The following NBEA variants were observed in gnomAD, a reference collection of about 807,000 sequenced individuals.
NBEA encodes neurobeachin.
NBEA carries 44 observed loss-of-function variants against 343.4 expected under a neutral mutation model. The observed-to-expected ratio is 0.13, with a 90% CI of 0.10 to 0.16. NBEA has a LOEUF of 0.16. Ranked by LOEUF, NBEA falls within the 10% of genes least tolerant of loss-of-function variation. NBEA has a pLI of 1.00. For missense variants in NBEA, 2,555 were observed against 3,631.3 expected (o/e 0.70, Z 7.62); for synonymous variants, 1,175 against 1,238.7 (o/e 0.95, Z 1.08).
chr13:35,180,863 T>G (rs1593637118), intron 28 of NBEA, among the ~76,000 whole-genome samples: 1 of 151,792 alleles, frequency 6.6e-6, no homozygotes, highest in East Asian at 1.9e-4. Flanking sequence ...GTCCATTGTA[T>G]CATTCTTATG....
intron 53 of NBEA, among the ~76,000 whole-genome samples, chr13:35,652,123 A>G (rs2084553289): frequency 6.6e-6 from 1 of 152,142 alleles, no homozygotes; most frequent in Non-Finnish European, 1.5e-5. Context: ...AAATAATTCC[A>G]AACTGTATTT....
chr13:35,322,106 G>A (rs1037749912), intron 36 of NBEA, among the ~76,000 whole-genome samples: 6 of 152,066 alleles, frequency 3.9e-5, no homozygotes, highest in African/African-American at 4.8e-5. Context: ...GGGAGTGAAC[G>A]GTTCTGTCTC....
At chr13:35,177,818 T>C (rs533601641) in intron 28 of NBEA, among the ~76,000 whole-genome samples, 3 of 151,846 alleles carry the variant, frequency 2.0e-5, no homozygotes, top group African/African-American at 7.2e-5. Context: ...AGTTGTTGAT[T>C]GTATATGAAA....
chr13:35,649,580 C>T, intron 51 of NBEA, 75 bp from the exon 52 acceptor site: 1 of 1,267,194 alleles, frequency 7.9e-7, no homozygotes, highest in Middle Eastern at 2.1e-4. Context: ...TGTTTAACCT[C>T]ATTCTCCCTA....
intron 49 of NBEA, among the ~76,000 whole-genome samples, chr13:35,634,728 T>C (rs2083621956): frequency 6.6e-6 from 1 of 152,158 alleles, no homozygotes; most frequent in Non-Finnish European, 1.5e-5. Flanking sequence ...TATTAAGTAG[T>C]TTTTAATATT....
At chr13:35,461,435 G>A (rs1481315517) in intron 40 of NBEA, among the ~76,000 whole-genome samples, 1 of 151,964 alleles carries the variant, frequency 6.6e-6, no homozygotes, top group Non-Finnish European at 1.5e-5. Context: ...TGGAGAATGG[G>A]GCAATAAATA....
intron 34 of NBEA, among the ~76,000 whole-genome samples, chr13:35,248,349 A>G (rs936161491): frequency 2.6e-5 from 4 of 152,202 alleles, no homozygotes; most frequent in Non-Finnish European, 5.9e-5. Context: ...GAAGAAAAGA[A>G]TTACATAGAT....
chr13:35,586,823 A>T (rs1446910828), intron 46 of NBEA, among the ~76,000 whole-genome samples: 1 of 152,166 alleles, frequency 6.6e-6, no homozygotes, highest in Non-Finnish European at 1.5e-5. Flanking sequence ...ACAAGAGGCA[A>T]ATGCTTTTCA....
intron 34 of NBEA, among the ~76,000 whole-genome samples, chr13:35,250,104 A>T (rs2031775030): frequency 6.6e-6 from 1 of 152,170 alleles, no homozygotes; most frequent in African/African-American, 2.4e-5. Context: ...TTAATGGGGT[A>T]TAGAGTTTCA....
At chr13:35,596,620 A>C (rs1472441164) in intron 47 of NBEA, among the ~76,000 whole-genome samples, 1 of 152,028 alleles carries the variant, frequency 6.6e-6, no homozygotes, top group African/African-American at 2.4e-5. Flanking sequence ...GTTAGTTTTT[A>C]CTTTATTATT....
chr13:35,204,002 C>A (rs981856434), intron 31 of NBEA, among the ~76,000 whole-genome samples: 1 of 152,112 alleles, frequency 6.6e-6, no homozygotes, highest in Non-Finnish European at 1.5e-5. Flanking sequence ...GGGGTCCCCA[C>A]CCCTGGGCCA....
At chr13:35,128,861 C>G (rs1317724997) in intron 17 of NBEA, among the ~76,000 whole-genome samples, 1 of 152,026 alleles carries the variant, frequency 6.6e-6, no homozygotes, top group Non-Finnish European at 1.5e-5. Context: ...ATATTCTGCT[C>G]TTTTAGCTGA....
At chr13:35,254,056 A>G (rs980376688) in intron 34 of NBEA, among the ~76,000 whole-genome samples, 3 of 151,988 alleles carry the variant, frequency 2.0e-5, no homozygotes, top group Non-Finnish European at 4.4e-5. Flanking sequence ...TATTTCCTAA[A>G]TTTTATAACA....
At chr13:35,630,953 C>T (rs1386719628) in intron 49 of NBEA, among the ~76,000 whole-genome samples, 1 of 152,126 alleles carries the variant, frequency 6.6e-6, no homozygotes, top group Non-Finnish European at 1.5e-5. Flanking sequence ...CCCACCATTC[C>T]CCCCTCTAAC....
intron 30 of NBEA, chr13:35,186,598 T>C (rs555889628): frequency 6.6e-6 from 1 of 152,306 alleles, no homozygotes; most frequent in South Asian, 2.1e-4. Flanking sequence ...CAAAAACAAT[T>C]TAAGTATTTA....
chr13:34,959,665 G>A (rs993721024), intron 1 of NBEA, among the ~76,000 whole-genome samples: 1 of 152,038 alleles, frequency 6.6e-6, no homozygotes, highest in Non-Finnish European at 1.5e-5. Context: ...TATGTTGAGC[G>A]AATAGGTTTT....
intron 34 of NBEA, among the ~76,000 whole-genome samples, chr13:35,253,550 G>A (rs189996663): frequency 2.0e-5 from 3 of 152,322 alleles, no homozygotes; most frequent in Non-Finnish European, 4.4e-5. Context: ...CTCTGAGGAT[G>A]CCTGTATTTT....
chr13:35,186,883 C>A (rs1238557475), intron 30 of NBEA, among the ~76,000 whole-genome samples: 1 of 152,034 alleles, frequency 6.6e-6, no homozygotes, highest in African/African-American at 2.4e-5. Flanking sequence ...TAATTGTATT[C>A]TTTTTCTTTG....
intron 28 of NBEA, among the ~76,000 whole-genome samples, chr13:35,179,538 A>T (rs918562916): frequency 5.3e-5 from 8 of 151,194 alleles, no homozygotes; most frequent in African/African-American, 1.9e-4. Flanking sequence ...GGTTAAAAAA[A>T]AATAAAAAAT....
Sources: gnomAD v4.1 joint callset for allele counts (sites outside exome capture counted in the v4.1 genomes callset) on GRCh38, gnomAD v4.1.1 for gene constraint, MANE v1.5 for transcripts, NCBI Gene and HGNC (gene_info 2026-07-23, HGNC 2026-07-21) for gene names.